EYA2: variants seen among roughly 807,000 people sequenced by gnomAD.
The protein encoded by EYA2 is protein phosphatase EYA2.
A neutral mutation model predicts 69.2 loss-of-function variants in EYA2; 31 were observed. The observed-to-expected ratio is 0.45, with a 90% confidence interval of 0.34 to 0.60. EYA2 has a LOEUF of 0.60. Among genes scored for constraint, EYA2 ranks in the 20% least tolerant of loss-of-function variants. The probability of loss-of-function intolerance (pLI) is 0.02; values close to 1 mark genes in which losing one functional copy is unlikely to be tolerated. For synonymous variants in EYA2, 257 were observed against 279.4 expected, an observed-to-expected ratio of 0.92 and a Z score of 0.80; for missense variants, 622 against 701.2, an observed-to-expected ratio of 0.89 and a Z score of 1.28.
rs558646296 is a variant in EYA2, at chr20:47,181,006, G to A, written c.1435+70G>A. ...GGGGTTAGCTTTCCATCCTGGGAAT[G>A]GGGTGTTTAAGGAACATGACACCAC... On this transcript the variant is annotated intron_variant, in intron 14 of 15. Transcript: ENST00000327619. The A allele has an allele frequency of 7.0e-5, 110 of 1,567,110 alleles. 1 individual carries two copies. In the African/African-American group the frequency reaches 1.2e-3, roughly 17 times the overall value.
rs1391637752 is a variant in EYA2, at chr20:47,117,470, C to G, written c.888+20302C>G. On this transcript the variant is annotated intron_variant, in intron 9 of 15. Transcript: ENST00000327619. ...CTCCACAGCTCCTCGACCGGCTCCTCTGCCCTCTCCGTTCCACCACAGTCC... is the reference window on the plus strand; with the variant it reads ...CTCCACAGCTCCTCGACCGGCTCCTGTGCCCTCTCCGTTCCACCACAGTCC... The G allele has an allele frequency of 4.0e-5, 39 of 985,308 alleles. No individual in the cohort carries two copies. The South Asian group carries it at 1.3e-3, about 32-fold the overall frequency. The allele number at this position is 985,308 out of a possible 1,614,324, so 61.0% of individuals were successfully genotyped here. A position where few individuals can be genotyped will look rare whatever the true frequency, so the allele number is the denominator to read the frequency against.
chr20:47,113,183 C>G (rs1020902904), intron 9 of EYA2, among the ~76,000 whole-genome samples: 1 of 151,996 alleles, frequency 6.6e-6, no homozygotes, highest in African/African-American at 2.4e-5. Context: ...GATTTTACGT[C>G]CAAATGCAAC....
At chr20:47,132,506 A>G (rs1450576964) in intron 9 of EYA2, among the ~76,000 whole-genome samples, 1 of 152,198 alleles carries the variant, frequency 6.6e-6, no homozygotes, top group African/African-American at 2.4e-5. Context: ...ACAAATCCTC[A>G]GGAGCCCTGG....
chr20:46,949,581 C>T (rs1409951105), intron 1 of EYA2, among the ~76,000 whole-genome samples: 3 of 152,176 alleles, frequency 2.0e-5, no homozygotes, highest in Non-Finnish European at 4.4e-5. Flanking sequence ...TTGTTTTGTT[C>T]TTCTCCACGT....
intron 9 of EYA2, among the ~76,000 whole-genome samples, chr20:47,110,219 A>G (rs537623015): frequency 2.0e-5 from 3 of 152,246 alleles, no homozygotes; most frequent in Admixed American, 2.0e-4. Flanking sequence ...AAAGCCAGGA[A>G]GTGGCCCACT....
intron 9 of EYA2, among the ~76,000 whole-genome samples, chr20:47,138,802 C>T (rs972856833): frequency 6.6e-6 from 1 of 151,944 alleles, no homozygotes; most frequent in African/African-American, 2.4e-5. Context: ...TCACTTTGAC[C>T]ATCACTTTTA....
At chr20:47,027,488 G>T (rs1278436926) in intron 5 of EYA2, among the ~76,000 whole-genome samples, 1 of 152,216 alleles carries the variant, frequency 6.6e-6, no homozygotes, top group Non-Finnish European at 1.5e-5. Flanking sequence ...TCCCCTTCAT[G>T]TGTGCTGGCA....
intron 5 of EYA2, among the ~76,000 whole-genome samples, chr20:47,047,328 G>A (rs1409289709): frequency 6.6e-6 from 1 of 152,162 alleles, no homozygotes; most frequent in Non-Finnish European, 1.5e-5. Flanking sequence ...GTCACGCAGA[G>A]GAGTAAAGTG....
intron 1 of EYA2, among the ~76,000 whole-genome samples, chr20:46,974,026 A>C (rs1980302435): frequency 6.6e-6 from 1 of 152,170 alleles, no homozygotes; most frequent in South Asian, 2.1e-4. Context: ...CGGGGCTCTC[A>C]ATCCATCTCT....
chr20:46,988,766 A>G (rs1981457395), intron 1 of EYA2, among the ~76,000 whole-genome samples: 1 of 152,200 alleles, frequency 6.6e-6, no homozygotes. Context: ...CAGTGGCACG[A>G]TTAGAGCTCA....
At chr20:47,072,160 G>A (rs375999183) in intron 5 of EYA2, 25 bp from the exon 6 acceptor site, 256 of 1,604,306 alleles carry the variant, frequency 1.6e-4, no homozygotes, top group Non-Finnish European at 2.1e-4. Flanking sequence ...ACCCTAACCT[G>A]TACCCCTGTT....
intron 7 of EYA2, among the ~76,000 whole-genome samples, chr20:47,085,063 CCAGGGT>C (rs2031851450): frequency 6.6e-6 from 1 of 151,604 alleles, no homozygotes; most frequent in Admixed American, 6.6e-5. Context: ...TCTCAAACTC[CCAGGGT>C]CAAGCAATTC....
At chr20:47,134,331 G>GTGCC (rs2033409796) in intron 9 of EYA2, among the ~76,000 whole-genome samples, 1 of 152,206 alleles carries the variant, frequency 6.6e-6, no homozygotes, top group African/African-American at 2.4e-5. Flanking sequence ...TCTGGAGTCA[G>GTGCC]ATTAGACCTG....
intron 1 of EYA2, among the ~76,000 whole-genome samples, chr20:46,963,321 C>T (rs1296486104): frequency 6.6e-6 from 1 of 152,194 alleles, no homozygotes; most frequent in Admixed American, 6.5e-5. Flanking sequence ...CTGAACCCAC[C>T]ACAGGGCCTG....
chr20:47,108,455 G>A (rs976600314), intron 9 of EYA2, among the ~76,000 whole-genome samples: 5 of 152,190 alleles, frequency 3.3e-5, no homozygotes, highest in South Asian at 2.1e-4. Flanking sequence ...ACAGCCTGCC[G>A]AACTGTGAGC....
At chr20:46,932,480 A>T (rs1465287808) in intron 1 of EYA2, among the ~76,000 whole-genome samples, 1 of 152,160 alleles carries the variant, frequency 6.6e-6, no homozygotes, top group Non-Finnish European at 1.5e-5. Flanking sequence ...TGTAATTCCC[A>T]TGTGCCAAGG....
intron 4 of EYA2, among the ~76,000 whole-genome samples, chr20:47,014,836 C>G (rs1983314335): frequency 6.6e-6 from 1 of 152,012 alleles, no homozygotes; most frequent in Admixed American, 6.6e-5. Context: ...GTCATAAAAT[C>G]TCAAAACCAC....
chr20:47,126,609 A>G (rs190214164), intron 9 of EYA2, among the ~76,000 whole-genome samples: 1 of 152,308 alleles, frequency 6.6e-6, no homozygotes, highest in African/African-American at 2.4e-5. Context: ...TCTCTTAGTT[A>G]GAAAGCTGGT....
intron 8 of EYA2, among the ~76,000 whole-genome samples, chr20:47,090,347 C>A (rs2032043139): frequency 6.7e-6 from 1 of 150,370 alleles, no homozygotes; most frequent in Admixed American, 6.7e-5. Context: ...TCAAGCGATT[C>A]TCTTGCCTCG....
Sources: gnomAD v4.1 joint callset for allele counts (sites outside exome capture counted in the v4.1 genomes callset) on GRCh38, gnomAD v4.1.1 for gene constraint, MANE v1.5 for transcripts, NCBI Gene and HGNC (gene_info 2026-07-23, HGNC 2026-07-21) for gene names.